The following RAD51C variants were observed in gnomAD, a reference collection of about 807,000 sequenced individuals.
RAD51C encodes the protein RAD51 paralog C.
Under a neutral mutation model 45.0 loss-of-function variants are expected in RAD51C, and 42 were observed. That is an observed-to-expected ratio of 0.93 (90% confidence interval 0.73 to 1.21). The LOEUF is 1.21. Among genes scored for constraint, RAD51C ranks in the 50% most tolerant of loss-of-function variants. The pLI is 0.00. For synonymous variants in RAD51C, 172 were observed against 159.8 expected (o/e 1.08, Z -0.58); for missense variants, 474 against 452.2 (o/e 1.05, Z -0.44).
At chr17:58,696,228 C>G (rs539499486) in intron 2 of RAD51C, among the ~76,000 whole-genome samples, 5 of 152,054 alleles carry the variant, frequency 3.3e-5, no homozygotes, top group Admixed American at 6.6e-5. Context: ...GTCAGGAGAT[C>G]GAGACCATCC....
At chr17:58,719,813 C>G (rs941303552) in intron 5 of RAD51C, among the ~76,000 whole-genome samples, 1 of 149,654 alleles carries the variant, frequency 6.7e-6, no homozygotes, top group African/African-American at 2.5e-5. Flanking sequence ...ACTGCAGGCT[C>G]TGCTCCCCGG....
At chr17:58,720,864 C>A (rs1471448082) in intron 6 of RAD51C, 52 bp downstream of exon 6, 7 of 1,435,396 alleles carry the variant, frequency 4.9e-6, no homozygotes, top group Non-Finnish European at 6.8e-6. Context: ...TTTCTTATCT[C>A]TTTCATTTGA....
At chr17:58,710,112 A>T in intron 5 of RAD51C, 122 bp downstream of exon 5, 1 of 1,160,444 alleles carries the variant, frequency 8.6e-7, no homozygotes, top group Non-Finnish European at 1.2e-6. Flanking sequence ...TTTTGAGTAA[A>T]GTTACGTTTG....
At chr17:58,723,990 A>G in intron 6 of RAD51C, 50 bp from the exon 7 acceptor site, 2 of 1,480,858 alleles carry the variant, frequency 1.4e-6, no homozygotes, top group Non-Finnish European at 1.9e-6. Flanking sequence ...TGAGAAATGT[A>G]TAACCAAGTC....
At chr17:58,722,019 A>G (rs304267) in intron 6 of RAD51C, among the ~76,000 whole-genome samples, 45,188 of 151,930 alleles carry the variant, frequency 0.3, 7,199 homozygotes, top group Middle Eastern at 0.49. Context: ...GTTTGGATCC[A>G]CTCAGGGGTA....
At chr17:58,712,544 G>C (rs34170300) in intron 5 of RAD51C, among the ~76,000 whole-genome samples, 28,046 of 152,050 alleles carry the variant, frequency 0.18, 2,764 homozygotes, top group Non-Finnish European at 0.21. Flanking sequence ...TCATAGGCCA[G>C]GTGTGGTGGC....
intron 7 of RAD51C, among the ~76,000 whole-genome samples, chr17:58,725,931 G>T (rs1291322999): frequency 6.6e-6 from 1 of 150,544 alleles, no homozygotes; most frequent in East Asian, 1.9e-4. Context: ...GGCGGAGGTT[G>T]CAGTGAGCCA....
Position 58,702,729 on chromosome 17 carries a change from G to C in RAD51C, c.572-467G>C, listed in dbSNP as rs919036114. On this transcript the variant is annotated intron_variant, in intron 3 of 8. Transcript: ENST00000337432. ...AAAAAATCAAGTGGCTGGGCACAGTGGTTTATGCCTGTAATCCCAGTGCTT... is the reference window on the plus strand; with the variant it reads ...AAAAAATCAAGTGGCTGGGCACAGTCGTTTATGCCTGTAATCCCAGTGCTT... Among the ~76,000 whole-genome samples the C allele has an allele frequency of 9.2e-5, 14 of 151,974 alleles. No homozygotes were observed. The East Asian group carries it at 2.3e-3, about 25-fold the overall frequency.
intron 4 of RAD51C, among the ~76,000 whole-genome samples, chr17:58,704,537 T>C (rs1455148655): frequency 2.0e-5 from 3 of 151,828 alleles, no homozygotes; most frequent in Non-Finnish European, 4.4e-5. Context: ...TCCTGTTCGG[T>C]CAGTTTAGCA....
chr17:58,705,233 C>T (rs962795075), intron 4 of RAD51C, among the ~76,000 whole-genome samples: 1 of 151,952 alleles, frequency 6.6e-6, no homozygotes, highest in African/African-American at 2.4e-5. Context: ...GATTCAGTTT[C>T]TGGCAAGGGC....
chr17:58,712,951 C>A (rs1478856996), intron 5 of RAD51C, among the ~76,000 whole-genome samples: 1 of 152,150 alleles, frequency 6.6e-6, no homozygotes, highest in Non-Finnish European at 1.5e-5. Context: ...AGTGAGACTT[C>A]ATCGCTACAA....
At chr17:58,725,541 C>A (rs1352970319) in intron 7 of RAD51C, among the ~76,000 whole-genome samples, 1 of 152,094 alleles carries the variant, frequency 6.6e-6, no homozygotes, top group African/African-American at 2.4e-5. Context: ...CAAGATATTT[C>A]ATCTTTTTAT....
chr17:58,733,727 CT>C (rs911239965), intron 8 of RAD51C, among the ~76,000 whole-genome samples: 11 of 151,498 alleles, frequency 7.3e-5, no homozygotes, highest in East Asian at 1.9e-4. Flanking sequence ...CAAGAACTTT[CT>C]TTTTTTTTGA....
At position 58,692,678 on chromosome 17, in the gene RAD51C, G is replaced by A. The variant is rs764394130; in HGVS notation, c.35G>A (p.Arg12Gln). 1.2e-6 allele frequency: 2 copies of A among 1,614,112 alleles called. No homozygotes were observed. Residue 12 changes from arginine to glutamine, a missense_variant, in exon 1 of 9, where the codon CGG becomes CAG. Arg to Gln is a conservative substitution (Grantham distance 43). Coordinates refer to ENST00000337432, the MANE Select transcript of RAD51C (RefSeq NM_058216.3). Reference sequence around the variant, plus strand: ...AAGACGTTCCGCTTTGAAATGCAGCGGGATTTGGTGAGTTTCCCGCTGTCT... The same window carrying A: ...AAGACGTTCCGCTTTGAAATGCAGCAGGATTTGGTGAGTTTCCCGCTGTCT... ...RGKTFRFEMQRDLVSFPLSPA... is the reference protein window; with the variant it reads ...RGKTFRFEMQQDLVSFPLSPA...
intron 3 of RAD51C, among the ~76,000 whole-genome samples, chr17:58,702,003 T>TG (rs1269467349): frequency 2.0e-5 from 3 of 150,996 alleles, no homozygotes; most frequent in Non-Finnish European, 4.4e-5. Flanking sequence ...ATTTTTTTGT[T>TG]TTTTTTTTTG....
chr17:58,711,860 T>C (rs986648860), intron 5 of RAD51C, among the ~76,000 whole-genome samples: 23 of 152,192 alleles, frequency 1.5e-4, no homozygotes, highest in South Asian at 2.1e-4. Context: ...AGGTTTTTTT[T>C]CCCAATTAAC....
intron 5 of RAD51C, among the ~76,000 whole-genome samples, chr17:58,715,742 G>A (rs1172253507): frequency 1.3e-5 from 2 of 152,084 alleles, no homozygotes; most frequent in Non-Finnish European, 1.5e-5. Flanking sequence ...ATTGGTTGAA[G>A]GACATTGCAT....
At chr17:58,700,997 A>G (rs1370901118) in intron 3 of RAD51C, among the ~76,000 whole-genome samples, 1 of 152,174 alleles carries the variant, frequency 6.6e-6, no homozygotes, top group Non-Finnish European at 1.5e-5. Context: ...CCCTGGGCTC[A>G]GGTGATCCTC....
chr17:58,718,127 G>T (rs2048801018), intron 5 of RAD51C, among the ~76,000 whole-genome samples: 1 of 152,038 alleles, frequency 6.6e-6, no homozygotes, highest in South Asian at 2.1e-4. Flanking sequence ...CTCCCGAGTA[G>T]CTGGGGTTAC....
Sources: gnomAD v4.1 joint callset for allele counts (sites outside exome capture counted in the v4.1 genomes callset) on GRCh38, gnomAD v4.1.1 for gene constraint, MANE v1.5 for transcripts, NCBI Gene and HGNC (gene_info 2026-07-23, HGNC 2026-07-21) for gene names.